MAEL: variants seen among roughly 807,000 people sequenced by gnomAD.
MAEL encodes the protein protein maelstrom homolog.
MAEL carries 46 observed loss-of-function variants against 62.0 expected under a neutral mutation model. The observed-to-expected ratio is 0.74, with a 90% confidence interval of 0.59 to 0.95. The LOEUF (loss-of-function observed/expected upper bound fraction) is 0.95, where lower values mean the gene tolerates loss of function less well. Among genes scored for constraint, MAEL ranks in the 40% least tolerant of loss-of-function variants. The probability of loss-of-function intolerance (pLI) is 0.00; values close to 1 mark genes in which losing one functional copy is unlikely to be tolerated. For missense variants in MAEL, 497 were observed against 526.8 expected, an observed-to-expected ratio of 0.94 and a Z score of 0.55; for synonymous variants, 172 against 175.5, an observed-to-expected ratio of 0.98 and a Z score of 0.16.
At chr1:166,989,567 G>A in intron 1 of MAEL, 83 bp downstream of exon 1, 1 of 1,531,098 alleles carries the variant, frequency 6.5e-7, no homozygotes, top group Non-Finnish European at 8.8e-7. Context: ...AGGCCTCGAG[G>A]AGGTCAGGCG....
chr1:167,001,971 A>G (rs1181800326), intron 5 of MAEL, among the ~76,000 whole-genome samples: 1 of 152,066 alleles, frequency 6.6e-6, no homozygotes, highest in Non-Finnish European at 1.5e-5. Context: ...ATTAGAGACA[A>G]GGTTTTGCCA....
intron 1 of MAEL, among the ~76,000 whole-genome samples, chr1:166,983,065 A>G (rs1002352047): frequency 6.6e-6 from 1 of 152,140 alleles, no homozygotes; most frequent in Non-Finnish European, 1.5e-5. Context: ...CATTGGACTT[A>G]TTGTCCAAAA....
upstream of MAEL, among the ~76,000 whole-genome samples, chr1:166,988,348 T>TAA (rs71073633): frequency 4.9e-4 from 46 of 93,058 alleles, no homozygotes; most frequent in African/African-American, 6.5e-4. Context: ...AGACCCTGTC[T>TAA]AAAAAAAAAA....
chr1:166,986,261 A>G (rs1413415988), upstream of MAEL, among the ~76,000 whole-genome samples: 1 of 149,088 alleles, frequency 6.7e-6, no homozygotes, highest in Non-Finnish European at 1.5e-5. Flanking sequence ...TTGATGGCAG[A>G]TGGTTTCACA....
At chr1:167,015,719 C>T (rs1284316443) in intron 8 of MAEL, among the ~76,000 whole-genome samples, 1 of 152,096 alleles carries the variant, frequency 6.6e-6, no homozygotes, top group African/African-American at 2.4e-5. Flanking sequence ...AAATGTTGTT[C>T]CTCTCCAATA....
At chr1:166,983,456 G>A (rs576358519) in intron 1 of MAEL, among the ~76,000 whole-genome samples, 1 of 152,078 alleles carries the variant, frequency 6.6e-6, no homozygotes, top group African/African-American at 2.4e-5. Flanking sequence ...GCTTACTTCT[G>A]GATTCTTTCT....
intron 1 of MAEL, among the ~76,000 whole-genome samples, chr1:166,982,684 C>T (rs1232581913): frequency 1.3e-5 from 2 of 151,978 alleles, no homozygotes; most frequent in African/African-American, 4.8e-5. Flanking sequence ...AATAGTCATC[C>T]AAATCTCCAG....
chr1:166,999,511 C>T (rs1368679349), intron 5 of MAEL, among the ~76,000 whole-genome samples: 1 of 152,184 alleles, frequency 6.6e-6, no homozygotes, highest in Non-Finnish European at 1.5e-5. Flanking sequence ...GAGTTTGGTT[C>T]ATGAGGTTTA....
At chr1:167,020,369 C>T (rs1292471557) in intron 10 of MAEL, among the ~76,000 whole-genome samples, 1 of 152,140 alleles carries the variant, frequency 6.6e-6, no homozygotes, top group Admixed American at 6.6e-5. Context: ...TACTCTCCTC[C>T]TATGCCTGTG....
chr1:166,982,806 C>T (rs1328792484), intron 1 of MAEL, among the ~76,000 whole-genome samples: 1 of 152,204 alleles, frequency 6.6e-6, no homozygotes, highest in Non-Finnish European at 1.5e-5. Context: ...CCCCCTCACT[C>T]ACTTTACTCC....
intron 11 of MAEL, 139 bp downstream of exon 11, chr1:167,021,299 G>C (rs1001475608): frequency 7.5e-6 from 5 of 662,424 alleles, no homozygotes; most frequent in Non-Finnish European, 1.3e-5. Context: ...GGTTTTATTT[G>C]GCATTAGCAC....
intron 1 of MAEL, among the ~76,000 whole-genome samples, chr1:166,982,104 T>A (rs79951822): frequency 6.6e-6 from 1 of 152,220 alleles, no homozygotes; most frequent in African/African-American, 2.4e-5. Context: ...GAGGTAGAAT[T>A]CACATGTATA....
chr1:166,989,332 A>T lies in MAEL; in HGVS notation c.-21A>T. The T allele has an allele frequency of 1.9e-6, 3 of 1,605,078 alleles. No individual in the cohort carries two copies. The highest frequency in any genetic ancestry group is 2.6e-6 in the Non-Finnish European group (3 of 1,176,112). On this transcript the variant is annotated 5_prime_UTR_variant, in exon 1 of 12. Transcript: ENST00000367872. ...CCGGTGCTTTGTTCTGTCTGAGGCCAGGAAGTTTGACCGCGCTGCCATGCC... is the reference window on the plus strand; with the variant it reads ...CCGGTGCTTTGTTCTGTCTGAGGCCTGGAAGTTTGACCGCGCTGCCATGCC...
At chr1:166,983,097 T>G (rs1020932332) in intron 1 of MAEL, among the ~76,000 whole-genome samples, 1 of 152,244 alleles carries the variant, frequency 6.6e-6, no homozygotes, top group African/African-American at 2.4e-5. Context: ...CATCTTGTTA[T>G]ATACATAATA....
Position 167,021,786 on chromosome 1 carries a change from C to G in MAEL, c.1236C>G (p.Asn412Lys). 2 of 1,612,830 alleles carry G rather than the reference C, an allele frequency of 1.2e-6. No individual in the cohort carries two copies. Among genetic ancestry groups the G allele is most frequent in the Non-Finnish European group, 1.7e-6 (2 of 1,178,974 alleles). Residue 412 changes from asparagine to lysine, a missense_variant, in exon 12 of 12, where the codon AAC (asparagine) becomes AAG (lysine). Physicochemically the swap from Asn to Lys is moderately conservative, Grantham distance 94 (BLOSUM62 0). Transcript: ENST00000367872. ...NSSSNIHKFS[N>K]CDTSLSPYMS... ...CCAGCAATATCCACAAATTCTCCAACTGTGACACTTCACTCTCACCTTACA... is the reference window on the plus strand; with the variant it reads ...CCAGCAATATCCACAAATTCTCCAAGTGTGACACTTCACTCTCACCTTACA...
Position 166,989,409 on chromosome 1 carries a change from C to A in MAEL, c.57C>A (p.Ile19=), listed in dbSNP as rs1248409525. The A allele has an allele frequency of 3.1e-6, 5 of 1,606,186 alleles. No individual in the cohort carries two copies. Among genetic ancestry groups the A allele is most frequent in the Non-Finnish European group, 4.2e-6 (5 of 1,176,660 alleles). Residue 19 remains isoleucine (I), a synonymous_variant, in exon 1 of 12, where the codon ATC becomes ATA. Coordinates refer to ENST00000367872, the MANE Select transcript of MAEL (RefSeq NM_032858.3). ...ACTATTTCTTCGTGCAGGAGAAGAT[C>A]CCCGAACTACGGCGACGAGGCCTGC... ...NAYYFFVQEK[I]PELRRRGLPV...
At chr1:166,984,278 T>A (rs1428361932), upstream of MAEL, among the ~76,000 whole-genome samples, 2 of 152,204 alleles carry the variant, frequency 1.3e-5, no homozygotes, top group Non-Finnish European at 2.9e-5. Flanking sequence ...GAGGTTGCCA[T>A]CATCACCCAC....
intron 5 of MAEL, 72 bp from the exon 6 acceptor site, chr1:167,004,108 C>T: frequency 7.5e-7 from 1 of 1,331,760 alleles, no homozygotes; most frequent in Non-Finnish European, 1.0e-6. Context: ...CTTCTTGTAC[C>T]CCCACTTCTA....
At chr1:166,999,460 G>A (rs1664569971) in intron 5 of MAEL, among the ~76,000 whole-genome samples, 1 of 152,222 alleles carries the variant, frequency 6.6e-6, no homozygotes, top group Non-Finnish European at 1.5e-5. Flanking sequence ...TGAAAGCCGA[G>A]AGAGGTGAGG....
Sources: allele counts gnomAD v4.1 joint callset (sites outside exome capture counted in the v4.1 genomes callset), GRCh38; gene constraint gnomAD v4.1.1; transcripts MANE v1.5; gene names NCBI Gene and HGNC (gene_info 2026-07-23, HGNC 2026-07-21).